The following DGKB variants were observed in gnomAD, a reference collection of about 807,000 sequenced individuals.
DGKB encodes the protein 90 kDa diacylglycerol kinase.
Under a neutral mutation model 114.3 loss-of-function variants are expected in DGKB, and 67 were observed. That is an observed-to-expected ratio of 0.59 (90% CI 0.48 to 0.72). DGKB has a LOEUF of 0.72. Among genes scored for constraint, DGKB ranks in the 30% least tolerant of loss-of-function variants. The pLI is 0.00. For missense variants in DGKB, 907 were observed against 975.2 expected, an observed-to-expected ratio of 0.93 and a Z score of 0.93; for synonymous variants, 398 against 323.1, an observed-to-expected ratio of 1.23 and a Z score of -2.49.
At chr7:14,151,780 TC>T (rs1053195586) in intron 25 of DGKB, among the ~76,000 whole-genome samples, 1 of 152,120 alleles carries the variant, frequency 6.6e-6, no homozygotes, top group African/African-American at 2.4e-5. Flanking sequence ...TGTATTTTCT[TC>T]TTTGTTAGGG....
chr7:14,721,743 T>G (rs34587189), intron 5 of DGKB, among the ~76,000 whole-genome samples: 64,838 of 151,878 alleles, frequency 0.43, 15,381 homozygotes, highest in East Asian at 0.88. Flanking sequence ...AGAGGTAAAA[T>G]ATATATTTTT....
intron 9 of DGKB, among the ~76,000 whole-genome samples, chr7:14,693,697 G>T (rs1319696912): frequency 6.6e-6 from 1 of 151,768 alleles, no homozygotes; most frequent in African/African-American, 2.4e-5. Flanking sequence ...TACCTTTATA[G>T]GTAGGAGGAA....
chr7:14,371,485 G>A (rs1197675397), intron 21 of DGKB, among the ~76,000 whole-genome samples: 13 of 152,004 alleles, frequency 8.6e-5, no homozygotes, highest in Non-Finnish European at 1.9e-4. Flanking sequence ...AGAAGTGTTT[G>A]TTCATGTCTT....
chr7:14,498,207 C>T (rs1327003078), intron 20 of DGKB, among the ~76,000 whole-genome samples: 1 of 151,756 alleles, frequency 6.6e-6, no homozygotes, highest in Non-Finnish European at 1.5e-5. Flanking sequence ...AATTTGCCAC[C>T]TTACACATTC....
upstream of DGKB, among the ~76,000 whole-genome samples, chr7:14,906,372 G>C (rs934657508): frequency 1.3e-5 from 2 of 151,048 alleles, no homozygotes; most frequent in African/African-American, 4.8e-5. Flanking sequence ...TAAATGATGA[G>C]AGACAGCACT....
chr7:14,248,620 A>C (rs1233316345), intron 23 of DGKB, among the ~76,000 whole-genome samples: 9 of 151,906 alleles, frequency 5.9e-5, no homozygotes, highest in Admixed American at 5.9e-4. Flanking sequence ...TTTAAATGGA[A>C]TTGTTTTTTA....
At chr7:14,295,205 T>C (rs559233549) in intron 23 of DGKB, among the ~76,000 whole-genome samples, 57 of 152,320 alleles carry the variant, frequency 3.7e-4, no homozygotes, top group Middle Eastern at 3.4e-3. Flanking sequence ...GCAATTTTAC[T>C]TTATAGAAAG....
At chr7:14,967,934 C>A (rs1787259038) in intron 1 of DGKB, among the ~76,000 whole-genome samples, 1 of 151,880 alleles carries the variant, frequency 6.6e-6, no homozygotes, top group Admixed American at 6.6e-5. Flanking sequence ...AAGCAATAAC[C>A]TACTCTAATA....
At chr7:14,554,020 C>T (rs1468594976) in intron 20 of DGKB, among the ~76,000 whole-genome samples, 1 of 151,666 alleles carries the variant, frequency 6.6e-6, no homozygotes, top group Non-Finnish European at 1.5e-5. Flanking sequence ...CTACAGGCAA[C>T]CGTCACCACG....
intron 13 of DGKB, among the ~76,000 whole-genome samples, chr7:14,661,690 C>A (rs1817116103): frequency 6.6e-6 from 1 of 151,654 alleles, no homozygotes; most frequent in Non-Finnish European, 1.5e-5. Context: ...TTTGACCCAG[C>A]CATCCCATTA....
At chr7:14,871,752 T>C (rs1852490808) in intron 1 of DGKB, among the ~76,000 whole-genome samples, 1 of 152,208 alleles carries the variant, frequency 6.6e-6, no homozygotes, top group South Asian at 2.1e-4. Context: ...TAGCACTGTT[T>C]ATATTTTACA....
intron 21 of DGKB, among the ~76,000 whole-genome samples, chr7:14,383,206 G>A (rs547814986): frequency 1.1e-4 from 17 of 152,114 alleles, no homozygotes; most frequent in East Asian, 5.8e-4. Context: ...GGAGATCACC[G>A]GGTCTCTAAA....
intron 23 of DGKB, among the ~76,000 whole-genome samples, chr7:14,230,586 T>C (rs1791561500): frequency 1.3e-5 from 2 of 152,056 alleles, no homozygotes; most frequent in African/African-American, 2.4e-5. Context: ...GAAAAACGCA[T>C]ATAATAAGAG....
At chr7:14,383,757 G>A (rs1303159408) in intron 21 of DGKB, among the ~76,000 whole-genome samples, 1 of 152,208 alleles carries the variant, frequency 6.6e-6, no homozygotes, top group African/African-American at 2.4e-5. Context: ...TCAAAACTTA[G>A]TTATGTGTCC....
chr7:14,665,953 C>G (rs1817945770), intron 13 of DGKB, among the ~76,000 whole-genome samples: 2 of 151,774 alleles, frequency 1.3e-5, no homozygotes, highest in African/African-American at 2.4e-5. Flanking sequence ...ATGTACTACC[C>G]AAAATAATTT....
intron 21 of DGKB, among the ~76,000 whole-genome samples, chr7:14,395,604 T>C (rs1822089683): frequency 6.6e-6 from 1 of 151,768 alleles, no homozygotes; most frequent in Admixed American, 6.6e-5. Context: ...AGTAAAAAAT[T>C]TCAGAGAACT....
intron 20 of DGKB, among the ~76,000 whole-genome samples, chr7:14,518,505 C>T (rs1241890556): frequency 6.6e-6 from 1 of 151,888 alleles, no homozygotes; most frequent in Non-Finnish European, 1.5e-5. Flanking sequence ...ACTGCCACAT[C>T]TTGTGATTCT....
intron 2 of DGKB, among the ~76,000 whole-genome samples, chr7:14,833,309 T>TAA (rs1846676618): frequency 6.6e-6 from 1 of 152,158 alleles, no homozygotes; most frequent in Admixed American, 6.6e-5. Context: ...TCTCCAGAAT[T>TAA]AAAATCTTCA....
intron 23 of DGKB, among the ~76,000 whole-genome samples, chr7:14,307,805 G>C (rs550627083): frequency 5.3e-5 from 8 of 152,168 alleles, no homozygotes; most frequent in African/African-American, 1.7e-4. Flanking sequence ...TAATGTCTTA[G>C]TCAAAATCTC....
Sources: gnomAD v4.1 joint callset for allele counts (sites outside exome capture counted in the v4.1 genomes callset) on GRCh38, gnomAD v4.1.1 for gene constraint, MANE v1.5 for transcripts, NCBI Gene and HGNC (gene_info 2026-07-23, HGNC 2026-07-21) for gene names.